The following SCFD2 variants were observed in gnomAD, a reference collection of about 807,000 sequenced individuals.
The protein encoded by SCFD2 is sec1 family domain-containing protein 2.
A neutral mutation model predicts 58.9 loss-of-function variants in SCFD2; 54 were observed. The ratio of observed to expected loss-of-function variants is 0.92; its 90% CI spans 0.74 to 1.15. The LOEUF is 1.15. Among genes scored for constraint, SCFD2 ranks in the 50% most tolerant of loss-of-function variants. The pLI, the probability that SCFD2 is intolerant of heterozygous loss-of-function variation, is 0.00. For synonymous variants in SCFD2, 321 were observed against 335.9 expected, an observed-to-expected ratio of 0.96 and a Z score of 0.49; for missense variants, 805 against 836.6, an observed-to-expected ratio of 0.96 and a Z score of 0.47.
chr4:53,100,923 A>AC (rs1211098320), intron 5 of SCFD2, among the ~76,000 whole-genome samples: 1 of 151,978 alleles, frequency 6.6e-6, no homozygotes, highest in Admixed American at 6.6e-5. Context: ...AATCACCACG[A>AC]CCCCCAAATG....
chr4:53,276,018 TTGTGTGTG>T (rs146091115), intron 3 of SCFD2, among the ~76,000 whole-genome samples: 1 of 148,428 alleles, frequency 6.7e-6, no homozygotes, highest in Non-Finnish European at 1.5e-5. Flanking sequence ...GTACAGGTCT[TTGTGTGTG>T]TGTGTGTGTG....
chr4:53,242,344 C>T (rs1267943420), intron 4 of SCFD2, among the ~76,000 whole-genome samples: 2 of 152,188 alleles, frequency 1.3e-5, no homozygotes, highest in Admixed American at 1.3e-4. Context: ...GAAGTTAGAA[C>T]ACACAAGCTT....
chr4:53,200,357 C>T (rs546391634), intron 4 of SCFD2, among the ~76,000 whole-genome samples: 121 of 152,104 alleles, frequency 8.0e-4, no homozygotes, highest in African/African-American at 2.8e-3. Flanking sequence ...CCTCCAAACT[C>T]ACCACCACCA....
chr4:53,307,814 G>A (rs114139803), intron 3 of SCFD2, among the ~76,000 whole-genome samples: 1 of 152,290 alleles, frequency 6.6e-6, no homozygotes, highest in African/African-American at 2.4e-5. Flanking sequence ...ACTGGATTCA[G>A]CTGCTACCAC....
chr4:53,249,799 A>G (rs1730283656), intron 4 of SCFD2, among the ~76,000 whole-genome samples: 2 of 152,222 alleles, frequency 1.3e-5, no homozygotes, highest in Admixed American at 1.3e-4. Flanking sequence ...TCCTGAAGGA[A>G]GCACTAAACA....
chr4:53,171,716 G>A (rs1397869802), intron 4 of SCFD2, among the ~76,000 whole-genome samples: 2 of 151,992 alleles, frequency 1.3e-5, no homozygotes, highest in Non-Finnish European at 2.9e-5. Flanking sequence ...ATTTCTTCAT[G>A]ATAGTAGGTT....
intron 5 of SCFD2, among the ~76,000 whole-genome samples, chr4:52,989,450 A>G (rs1458818131): frequency 6.6e-6 from 1 of 152,206 alleles, no homozygotes; most frequent in African/African-American, 2.4e-5. Context: ...GTGTTTCAGT[A>G]TTTGAAATGT....
chr4:53,016,850 T>C (rs1212439354), intron 5 of SCFD2, among the ~76,000 whole-genome samples: 1 of 152,224 alleles, frequency 6.6e-6, no homozygotes, highest in Admixed American at 6.5e-5. Context: ...GGCTTATACC[T>C]GTAATCCCAG....
chr4:52,994,860 T>TA (rs762787075), intron 5 of SCFD2, among the ~76,000 whole-genome samples: 112 of 148,872 alleles, frequency 7.5e-4, no homozygotes, highest in Non-Finnish European at 1.2e-3. Context: ...ATCATCGTCA[T>TA]AAAAAAAAAG....
chr4:53,167,297 A>G (rs898073706), intron 4 of SCFD2, among the ~76,000 whole-genome samples: 2 of 152,138 alleles, frequency 1.3e-5, no homozygotes, highest in African/African-American at 4.8e-5. Context: ...ATTTCCAGAC[A>G]TTTATTTTCT....
chr4:53,335,199 AAAAAAAAAAAAAAACAAC>A (rs1733640334), intron 2 of SCFD2, among the ~76,000 whole-genome samples: 1 of 144,840 alleles, frequency 6.9e-6, no homozygotes, highest in African/African-American at 2.7e-5. Flanking sequence ...CGTCTCAAAA[AAAAAAAAAAAAAAACAAC>A]AAAAAAAAAA....
intron 3 of SCFD2, among the ~76,000 whole-genome samples, chr4:53,277,181 T>C (rs985063747): frequency 6.6e-6 from 1 of 152,152 alleles, no homozygotes; most frequent in Non-Finnish European, 1.5e-5. Flanking sequence ...AGAAAACAAC[T>C]CCTTGATGAT....
At chr4:53,098,325 G>A (rs1207463511) in intron 5 of SCFD2, among the ~76,000 whole-genome samples, 3 of 152,056 alleles carry the variant, frequency 2.0e-5, no homozygotes, top group African/African-American at 4.8e-5. Flanking sequence ...GGTAGAATTC[G>A]GCTGTGAATC....
intron 5 of SCFD2, among the ~76,000 whole-genome samples, chr4:53,007,434 G>A (rs1722003509): frequency 1.3e-5 from 2 of 149,540 alleles, no homozygotes; most frequent in Non-Finnish European, 3.0e-5. Flanking sequence ...AGGGAGGGAG[G>A]GAGGAAGGAT....
At chr4:53,229,011 C>T (rs1297738368) in intron 4 of SCFD2, among the ~76,000 whole-genome samples, 1 of 152,072 alleles carries the variant, frequency 6.6e-6, no homozygotes, top group Non-Finnish European at 1.5e-5. Flanking sequence ...GAGTGAACTC[C>T]CATTCACAAT....
At chr4:52,945,724 T>C (rs1460641529) in intron 5 of SCFD2, 1 of 152,204 alleles carries the variant, frequency 6.6e-6, no homozygotes, top group Admixed American at 6.5e-5. Flanking sequence ...AGTTATCAGA[T>C]ATTCCTGGAC....
chr4:53,304,630 G>T (rs1280342900), intron 3 of SCFD2, among the ~76,000 whole-genome samples: 1 of 151,556 alleles, frequency 6.6e-6, no homozygotes, highest in Non-Finnish European at 1.5e-5. Flanking sequence ...ATTGATACTT[G>T]TGTATGCTTC....
intron 4 of SCFD2, among the ~76,000 whole-genome samples, chr4:53,191,658 G>A (rs1727895921): frequency 1.3e-5 from 2 of 152,152 alleles, no homozygotes; most frequent in Admixed American, 1.3e-4. Context: ...ACCTGCCTCG[G>A]CCTCCCAAAG....
At position 52,885,789 on chromosome 4, in the gene SCFD2, T is replaced by C. The variant is rs138481211; in HGVS notation, c.1920A>G (p.Lys640=). ...ACGATGCCACAAGATCTTTGACCAT[T>C]TTCACTTCAGAGACTGTGACCCCAC... is the stretch of plus-strand genomic sequence containing the variant. ...VVGGVTVSEV[K]MVKDLVASLK... is the part of the protein sequence containing the mutation. The change falls in exon 8 of 9, where the codon AAA becomes AAG. Residue 640 remains lysine, a synonymous_variant. Coordinates refer to ENST00000401642, the MANE Select transcript of SCFD2 (RefSeq NM_152540.4). The C allele has an allele frequency of 6.2e-7, 1 of 1,614,090 alleles. No homozygotes were observed. The highest frequency in any genetic ancestry group is 8.5e-7 in the Non-Finnish European group (1 of 1,179,976).
Sources: allele counts gnomAD v4.1 joint callset (sites outside exome capture counted in the v4.1 genomes callset), GRCh38; gene constraint gnomAD v4.1.1; transcripts MANE v1.5; gene names NCBI Gene and HGNC (gene_info 2026-07-23, HGNC 2026-07-21).